VPS54: variants seen among roughly 807,000 people sequenced by gnomAD.
The protein encoded by VPS54 is vacuolar protein sorting-associated protein 54.
VPS54 carries 45 observed loss-of-function variants against 121.5 expected under a neutral mutation model. The ratio of observed to expected loss-of-function variants is 0.37; its 90% confidence interval spans 0.29 to 0.47. VPS54 has a LOEUF of 0.47. VPS54 is among the 20% of genes least tolerant of loss of function. The pLI, the probability that VPS54 is intolerant of heterozygous loss-of-function variation, is 0.99. For synonymous variants in VPS54, 371 were observed against 385.8 expected (o/e 0.96, Z 0.45); for missense variants, 1,090 against 1,131.4 (o/e 0.96, Z 0.52).
chr2:63,962,237 T>A lies in VPS54; in HGVS notation c.831A>T (p.Ala277=), dbSNP rs1675803608. The A allele has an allele frequency of 6.2e-7, 1 of 1,613,944 alleles. No homozygotes were observed. Among genetic ancestry groups the A allele is most frequent in the Admixed American group, 1.7e-5 (1 of 59,992 alleles). Residue 277 remains alanine (A), a synonymous_variant, in exon 7 of 23, where the codon GCA becomes GCT. Coordinates refer to ENST00000272322, the MANE Select transcript of VPS54 (RefSeq NM_016516.3). ...CTTTAACACAATTATTTCTGGTAAGTGCCAGTCTTAAAATGTGGAGTGATC... is the reference window on the plus strand; with the variant it reads ...CTTTAACACAATTATTTCTGGTAAGAGCCAGTCTTAAAATGTGGAGTGATC... ...CEGSLHILRL[A]LTRNNCVKVY...
At position 63,997,164 on chromosome 2, in the gene VPS54, C is replaced by CG. The variant is rs754226649; in HGVS notation, c.-20-13146dup. 9.9e-5 allele frequency among the ~76,000 whole-genome samples: 15 copies of CG among 152,268 alleles called. No homozygotes were observed. In the East Asian group the frequency reaches 2.9e-3, roughly 29 times the overall value. On this transcript the variant is annotated intron_variant, in intron 1 of 22. Transcript: ENST00000272322. ...CCCGTTAGACATAGGCCTGCAGTTT[C>CG]GTTTTCTGATGCGTCTTTGTTTGGT...
chr2:63,964,986 G>C (rs1292410194), intron 6 of VPS54, among the ~76,000 whole-genome samples: 1 of 152,094 alleles, frequency 6.6e-6, no homozygotes, highest in East Asian at 1.9e-4. Context: ...CTGACTTCTG[G>C]ACTATGACAT....
rs77814166 is a variant in VPS54, at chr2:63,979,090, T to C, written c.378+2556A>G. Among the ~76,000 whole-genome samples, 4 of 152,296 alleles carry C rather than the reference T, an allele frequency of 2.6e-5. No individual in the cohort carries two copies. The East Asian group carries it at 7.7e-4, about 29-fold the overall frequency. On this transcript the variant is annotated intron_variant, in intron 3 of 22. Coordinates refer to ENST00000272322, the MANE Select transcript of VPS54 (RefSeq NM_016516.3). ...GATATCACCTTTCTTATTCTTGTTA[T>C]TGGTGACTTTTATCTTCTCTTTTTT...
intron 1 of VPS54, among the ~76,000 whole-genome samples, chr2:63,989,542 CGA>C (rs1559043080): frequency 6.6e-6 from 1 of 152,114 alleles, no homozygotes; most frequent in Non-Finnish European, 1.5e-5. Context: ...CTGGTTCCCC[CGA>C]TATCTGGTGC....
chr2:63,911,462 C>G (rs1302468842), intron 20 of VPS54, among the ~76,000 whole-genome samples: 1 of 152,120 alleles, frequency 6.6e-6, no homozygotes, highest in African/African-American at 2.4e-5. Context: ...AAGCCGCTTT[C>G]ATAATAATAT....
chr2:63,912,159 A>C (rs1286919641), intron 20 of VPS54, among the ~76,000 whole-genome samples, 186 bp downstream of exon 20: 1 of 152,136 alleles, frequency 6.6e-6, no homozygotes, highest in African/African-American at 2.4e-5. Flanking sequence ...TTAGACCACT[A>C]TGGGGGGTCT....
chr2:63,991,948 C>G (rs754286463), intron 1 of VPS54, among the ~76,000 whole-genome samples: 1 of 152,214 alleles, frequency 6.6e-6, no homozygotes, highest in Non-Finnish European at 1.5e-5. Context: ...AATTTACTAC[C>G]TAACTCTTTG....
At chr2:63,919,541 C>A (rs982918985) in intron 15 of VPS54, among the ~76,000 whole-genome samples, 20 of 152,150 alleles carry the variant, frequency 1.3e-4, no homozygotes. Flanking sequence ...CAAATCCCAA[C>A]TCATCATTTG....
intron 16 of VPS54, among the ~76,000 whole-genome samples, chr2:63,915,846 T>C (rs1197888902): frequency 6.6e-6 from 1 of 152,210 alleles, no homozygotes; most frequent in African/African-American, 2.4e-5. Context: ...TGAGTGCTTA[T>C]TATGGTGCCA....
intron 9 of VPS54, among the ~76,000 whole-genome samples, chr2:63,946,255 T>C (rs769977980): frequency 3.9e-4 from 59 of 152,176 alleles, no homozygotes; most frequent in Non-Finnish European, 6.6e-4. Flanking sequence ...ACTGTACAAA[T>C]ACATCAAAAT....
chr2:63,907,472 C>G (rs189526844), intron 20 of VPS54, among the ~76,000 whole-genome samples: 24 of 148,752 alleles, frequency 1.6e-4, no homozygotes, highest in African/African-American at 6.0e-4. Flanking sequence ...GAGCTGAGAT[C>G]GCGCCATTGC....
intron 12 of VPS54, among the ~76,000 whole-genome samples, chr2:63,928,048 G>C (rs954727036): frequency 6.6e-6 from 1 of 152,314 alleles, no homozygotes; most frequent in Middle Eastern, 3.4e-3. Context: ...TGGTGTACCT[G>C]AAAGTGATGG....
chr2:63,913,394 T>C, intron 17 of VPS54, 84 bp from the exon 18 acceptor site: 1 of 920,194 alleles, frequency 1.1e-6, no homozygotes, highest in Non-Finnish European at 1.6e-6. Context: ...TAAAAATACA[T>C]TCCCCTTTCC....
At chr2:63,985,680 T>TACACAC (rs3079061) in intron 1 of VPS54, among the ~76,000 whole-genome samples, 1,905 of 144,984 alleles carry the variant, frequency 0.013, 10 homozygotes, top group African/African-American at 0.016. Context: ...TGACAAATTA[T>TACACAC]ACACACACAC....
intron 3 of VPS54, among the ~76,000 whole-genome samples, chr2:63,976,465 TAGTA>T (rs1676535745): frequency 1.3e-5 from 2 of 152,176 alleles, no homozygotes; most frequent in Admixed American, 1.3e-4. Flanking sequence ...CCAAATGCAT[TAGTA>T]AGTATGTCCT....
Position 63,962,322 on chromosome 2 carries a change from G to C in VPS54, c.746C>G (p.Ser249Cys), listed in dbSNP as rs1427845767. ...ATCTCGAAGCATTTTTACAGCCTGG[G>C]AAGTTTTCCTGAGGTAGTCCTGCAA... Reference protein sequence around the residue: ...HELQDYLRKTSQAVKMLRDKI... With the variant: ...HELQDYLRKTCQAVKMLRDKI... Residue 249 changes from serine (S) to cysteine (C), a missense_variant, in exon 7 of 23, where the codon TCC becomes TGC. Physicochemically the swap from Ser to Cys is moderately radical, Grantham distance 112. Transcript: ENST00000272322. The C allele has an allele frequency of 1.2e-6, 2 of 1,613,902 alleles. No homozygotes were observed. Among genetic ancestry groups the C allele is most frequent in the Non-Finnish European group, 1.7e-6 (2 of 1,179,930 alleles).
rs1553471247 is a variant in VPS54, at chr2:63,912,650, G to A, written c.2434C>T (p.Arg812Ter). 1 of 1,570,412 alleles carries A rather than the reference G, an allele frequency of 6.4e-7. No individual in the cohort carries two copies. The highest frequency in any genetic ancestry group is 8.6e-7 in the Non-Finnish European group (1 of 1,168,750). ...TAGTGCACAATTAACTGCAAACATC[G>A]TGAAGAAAGAGCTGAAGATCCAGGG... ...ITTKNLALSS[R>*]CLQLIVHYIP... The change falls in exon 19 of 23, where the codon CGA (arginine) becomes TGA (stop). Residue 812 changes from arginine (R) to a stop codon, truncating the protein, a stop_gained. Coordinates refer to ENST00000272322, the MANE Select transcript of VPS54 (RefSeq NM_016516.3). LOFTEE classifies it high-confidence loss of function.
Position 63,893,334 on chromosome 2 carries a change from GTTTCA to G in VPS54, c.*91_*95del, listed in dbSNP as rs1193190384. 1 of 1,096,298 alleles carries G rather than the reference GTTTCA, an allele frequency of 9.1e-7. No homozygotes were observed. The highest frequency in any genetic ancestry group is 1.4e-6 in the Non-Finnish European group (1 of 708,438). 67.9% of individuals were successfully genotyped at this position (1,096,298 alleles called of 1,614,324 possible). A position where few individuals can be genotyped will look rare whatever the true frequency, so the allele number is the denominator to read the frequency against. ...CTTCCCCCACCCCAGTTCACTTTGGGTTTCAGGTTCAATTCTCGAATCACAGGCAT... is the reference window on the plus strand; with the variant it reads ...CTTCCCCCACCCCAGTTCACTTTGGGGGTTCAATTCTCGAATCACAGGCAT... On this transcript the variant is annotated 3_prime_UTR_variant, in exon 23 of 23. Coordinates refer to ENST00000272322, the MANE Select transcript of VPS54 (RefSeq NM_016516.3).
At chr2:63,971,585 ATG>A (rs2104585855) in intron 4 of VPS54, among the ~76,000 whole-genome samples, 1 of 152,292 alleles carries the variant, frequency 6.6e-6, no homozygotes, top group South Asian at 2.1e-4. Flanking sequence ...TCCCACATAA[ATG>A]TTTCAAACTA....
Sources: gnomAD v4.1 joint callset for allele counts (sites outside exome capture counted in the v4.1 genomes callset) on GRCh38, gnomAD v4.1.1 for gene constraint, MANE v1.5 for transcripts, NCBI Gene and HGNC (gene_info 2026-07-23, HGNC 2026-07-21) for gene names.